Variants in CLMP observed in about 807,000 individuals in gnomAD.
CLMP encodes the protein CXADR like cell adhesion molecule.
A neutral mutation model predicts 45.2 loss-of-function variants in CLMP; 27 were observed. The observed-to-expected ratio is 0.60, with a 90% CI of 0.44 to 0.82. CLMP has a LOEUF of 0.82. Ranked by LOEUF, CLMP falls within the 40% of genes least tolerant of loss-of-function variation. The pLI, the probability that CLMP is intolerant of heterozygous loss-of-function variation, is 0.00. For synonymous variants in CLMP, 167 were observed against 171.4 expected (o/e 0.97, Z 0.20); for missense variants, 403 against 448.4 (o/e 0.90, Z 0.91).
At chr11:123,136,038 G>A (rs1350351943) in intron 1 of CLMP, 3 of 586,258 alleles carry the variant, frequency 5.1e-6, no homozygotes, top group South Asian at 1.4e-5. Context: ...TGCTTTGTTC[G>A]CTCGTTTCTT....
chr11:123,166,104 C>A (rs936585666), intron 1 of CLMP, among the ~76,000 whole-genome samples: 2 of 152,030 alleles, frequency 1.3e-5, no homozygotes, highest in African/African-American at 4.8e-5. Context: ...TGATTTGCAG[C>A]CACAATCCTT....
chr11:123,139,093 T>C (rs1398035535), intron 1 of CLMP, among the ~76,000 whole-genome samples: 1 of 152,144 alleles, frequency 6.6e-6, no homozygotes, highest in Non-Finnish European at 1.5e-5. Context: ...CATTTATGTA[T>C]GGTGTATGGC....
chr11:123,127,811 C>CG (rs908669438), intron 1 of CLMP, among the ~76,000 whole-genome samples: 6 of 152,052 alleles, frequency 3.9e-5, no homozygotes, highest in African/African-American at 1.4e-4. Flanking sequence ...CCAAGGTGGG[C>CG]GGATTACCTG....
At chr11:123,145,949 A>G (rs1861233377) in intron 1 of CLMP, among the ~76,000 whole-genome samples, 1 of 152,246 alleles carries the variant, frequency 6.6e-6, no homozygotes, top group Non-Finnish European at 1.5e-5. Flanking sequence ...GAAGGCCCAT[A>G]ACCCCAGCAG....
chr11:123,121,723 T>C (rs1860821810), intron 1 of CLMP, among the ~76,000 whole-genome samples: 1 of 152,230 alleles, frequency 6.6e-6, no homozygotes. Context: ...TTGAGCCTTT[T>C]AATAAACTGG....
At chr11:123,165,835 C>A (rs954553211) in intron 1 of CLMP, among the ~76,000 whole-genome samples, 5 of 152,128 alleles carry the variant, frequency 3.3e-5, no homozygotes, top group African/African-American at 1.2e-4. Flanking sequence ...CTAGTGCCCT[C>A]TCCCCAGGAA....
At chr11:123,177,426 A>C (rs11219047) in intron 1 of CLMP, among the ~76,000 whole-genome samples, 15,522 of 152,146 alleles carry the variant, frequency 0.1, 2,425 homozygotes, top group African/African-American at 0.34. Context: ...CCTCAGCTGG[A>C]GGACCAACAC....
At chr11:123,106,821 C>CTAA (rs1376224994) in intron 1 of CLMP, among the ~76,000 whole-genome samples, 1 of 151,798 alleles carries the variant, frequency 6.6e-6, no homozygotes, top group African/African-American at 2.4e-5. Flanking sequence ...GAGATCGAGA[C>CTAA]CATCCTGGCT....
chr11:123,103,227 G>C (rs895493999), intron 1 of CLMP, among the ~76,000 whole-genome samples: 2 of 152,206 alleles, frequency 1.3e-5, no homozygotes, highest in African/African-American at 4.8e-5. Flanking sequence ...AGCTTTGTAA[G>C]AAGGAGCTCT....
chr11:123,186,675 A>C (rs1007181038), intron 1 of CLMP, among the ~76,000 whole-genome samples: 1 of 152,078 alleles, frequency 6.6e-6, no homozygotes, highest in Non-Finnish European at 1.5e-5. Context: ...GGCGTGCGTC[A>C]CCACACCAGG....
intron 1 of CLMP, among the ~76,000 whole-genome samples, chr11:123,104,733 C>T (rs1349402441): frequency 6.6e-6 from 1 of 152,146 alleles, no homozygotes; most frequent in Non-Finnish European, 1.5e-5. Flanking sequence ...GGCTGCTGAG[C>T]TTGTCTGCCA....
chr11:123,146,421 T>C (rs1421143351), intron 1 of CLMP, among the ~76,000 whole-genome samples: 4 of 152,170 alleles, frequency 2.6e-5, no homozygotes, highest in African/African-American at 9.7e-5. Context: ...TATTTCCTTA[T>C]TCCTTACATA....
At chr11:123,087,020 C>G (rs1865872278) in intron 2 of CLMP, among the ~76,000 whole-genome samples, 1 of 152,034 alleles carries the variant, frequency 6.6e-6, no homozygotes, top group Admixed American at 6.6e-5. Flanking sequence ...ATGGTGAAAC[C>G]CTGTCTCTAC....
chr11:123,163,063 G>T (rs1287624497), intron 1 of CLMP, among the ~76,000 whole-genome samples: 1 of 152,156 alleles, frequency 6.6e-6, no homozygotes, highest in Non-Finnish European at 1.5e-5. Flanking sequence ...GGGGCTGAAG[G>T]AAGGGGAGAT....
At chr11:123,084,361 A>C in intron 3 of CLMP, 151 bp downstream of exon 3, 1 of 636,468 alleles carries the variant, frequency 1.6e-6, no homozygotes, top group Non-Finnish European at 2.8e-6. Context: ...GAAGATACAC[A>C]TTTCTTTCCA....
At chr11:123,142,809 G>T (rs886840420) in intron 1 of CLMP, among the ~76,000 whole-genome samples, 2 of 148,864 alleles carry the variant, frequency 1.3e-5, no homozygotes, top group African/African-American at 5.0e-5. Flanking sequence ...TGTATTTTTA[G>T]TAGAGACGGG....
At chr11:123,192,799 AAG>A (rs1861926356) in intron 1 of CLMP, among the ~76,000 whole-genome samples, 1 of 152,130 alleles carries the variant, frequency 6.6e-6, no homozygotes, top group African/African-American at 2.4e-5. Context: ...TCTTTAGAAA[AAG>A]AGAAGCCAAA....
chr11:123,139,390 T>C (rs990849362), intron 1 of CLMP, among the ~76,000 whole-genome samples: 2 of 152,192 alleles, frequency 1.3e-5, no homozygotes, highest in African/African-American at 4.8e-5. Context: ...GCCTGCGTTC[T>C]GCAGCTGGTT....
chr11:123,112,313 A>G (rs1255688199), intron 1 of CLMP, among the ~76,000 whole-genome samples: 1 of 151,682 alleles, frequency 6.6e-6, no homozygotes, highest in African/African-American at 2.4e-5. Context: ...CCTTCAGGCC[A>G]ATTTCTTTCT....
Sources: allele counts gnomAD v4.1 joint callset (sites outside exome capture counted in the v4.1 genomes callset), GRCh38; gene constraint gnomAD v4.1.1; transcripts MANE v1.5; gene names NCBI Gene and HGNC (gene_info 2026-07-23, HGNC 2026-07-21).